FER1L6: variants seen among roughly 807,000 people sequenced by gnomAD.
FER1L6 encodes fer-1 like family member 6.
In FER1L6, 177 loss-of-function variants were observed where a neutral mutation model predicts 219.2. The ratio of observed to expected loss-of-function variants is 0.81; its 90% CI spans 0.71 to 0.91. FER1L6 has a LOEUF of 0.91. Among genes scored for constraint, FER1L6 ranks in the 40% least tolerant of loss-of-function variants. FER1L6 has a pLI of 0.00. For synonymous variants in FER1L6, 768 were observed against 824.3 expected (o/e 0.93, Z 1.17); for missense variants, 2,153 against 2,259.9 (o/e 0.95, Z 0.96).
At chr8:124,015,938 G>A (rs1818182801) in intron 15 of FER1L6, 1 of 152,488 alleles carries the variant, frequency 6.6e-6, no homozygotes, top group Non-Finnish European at 1.5e-5. Context: ...CAGCTCAACA[G>A]GGCTTCTCCC....
At chr8:123,914,790 A>G (rs536712144) in intron 1 of FER1L6, among the ~76,000 whole-genome samples, 27 of 152,294 alleles carry the variant, frequency 1.8e-4, no homozygotes, top group Admixed American at 6.5e-4. Flanking sequence ...TCATGGGTTA[A>G]TTTAGACTTA....
At chr8:123,884,403 C>A (rs2129673640) in intron 1 of FER1L6, among the ~76,000 whole-genome samples, 1 of 152,348 alleles carries the variant, frequency 6.6e-6, no homozygotes, top group African/African-American at 2.4e-5. Context: ...GCCCCAAAGT[C>A]ACAGCCCTTC....
At chr8:123,892,193 T>C (rs917263647) in intron 1 of FER1L6, among the ~76,000 whole-genome samples, 2 of 152,188 alleles carry the variant, frequency 1.3e-5, no homozygotes, top group African/African-American at 4.8e-5. Context: ...AAGGTAAAAT[T>C]TGGTTTTCTC....
intron 1 of FER1L6, among the ~76,000 whole-genome samples, chr8:123,856,639 C>T (rs114746753): frequency 9.3e-4 from 141 of 151,864 alleles, no homozygotes; most frequent in African/African-American, 3.2e-3. Context: ...AACACTTCCT[C>T]ATCATGTCCC....
intron 2 of FER1L6, among the ~76,000 whole-genome samples, chr8:123,959,961 C>T (rs375967603): frequency 6.6e-5 from 10 of 152,150 alleles, no homozygotes; most frequent in African/African-American, 2.4e-4. Context: ...GTCTTACGGG[C>T]AAGGAAAAAA....
rs1032821492 is a variant in FER1L6, at chr8:123,853,762, C to T, written c.-8+1577C>T. On this transcript the variant is annotated intron_variant, in intron 1 of 40. Coordinates refer to ENST00000522917, the MANE Select transcript of FER1L6 (RefSeq NM_001039112.2). This position sits in a 1 kb window ranked among gnomAD's most constrained non-coding sequence, Gnocchi z 6.6. ...AAAGGCCAGAAAGCTGCAGACAACC[C>T]AACAGTGTCAAGCACAGAGGCTGGT... 3.3e-4 allele frequency among the ~76,000 whole-genome samples: 50 copies of T among 152,314 alleles called. No individual in the cohort carries two copies. Among genetic ancestry groups the T allele is most frequent in the African/African-American group, 1.2e-3 (48 of 41,568 alleles).
intron 33 of FER1L6, 51 bp downstream of exon 33, chr8:124,082,509 CT>C (rs1433376646): frequency 6.5e-7 from 1 of 1,543,938 alleles, no homozygotes; most frequent in Non-Finnish European, 8.9e-7. Flanking sequence ...CTGTTGTAGC[CT>C]TTAGGGCTCC....
chr8:123,905,041 T>C (rs531078794), intron 1 of FER1L6, among the ~76,000 whole-genome samples: 1 of 152,210 alleles, frequency 6.6e-6, no homozygotes, highest in Non-Finnish European at 1.5e-5. Context: ...GCCATTGAGT[T>C]TCATTTTAGC....
At chr8:123,937,330 A>G (rs1814046663) in intron 1 of FER1L6, among the ~76,000 whole-genome samples, 1 of 152,214 alleles carries the variant, frequency 6.6e-6, no homozygotes, top group Non-Finnish European at 1.5e-5. Context: ...AAAATACTTA[A>G]ATTCTTTTAT....
intron 1 of FER1L6, among the ~76,000 whole-genome samples, chr8:123,868,093 C>A (rs1816866878): frequency 6.6e-6 from 1 of 152,080 alleles, no homozygotes; most frequent in South Asian, 2.1e-4. Context: ...GAGATTTCTC[C>A]TTATTCCTTT....
chr8:124,019,193 C>T (rs1229033781), intron 16 of FER1L6, among the ~76,000 whole-genome samples: 1 of 152,204 alleles, frequency 6.6e-6, no homozygotes, highest in African/African-American at 2.4e-5. Flanking sequence ...GCATCCCAAC[C>T]TTATCCGTCT....
intron 25 of FER1L6, among the ~76,000 whole-genome samples, chr8:124,064,099 T>A (rs959247255): frequency 2.6e-5 from 4 of 152,202 alleles, no homozygotes; most frequent in Admixed American, 6.5e-5. Flanking sequence ...CTTTGAGGAA[T>A]CAATAACAAA....
At chr8:123,883,653 C>T (rs1817150638) in intron 1 of FER1L6, among the ~76,000 whole-genome samples, 2 of 152,128 alleles carry the variant, frequency 1.3e-5, no homozygotes, top group Admixed American at 6.5e-5. Context: ...TCTCACAATT[C>T]TGGGGGCTGG....
At chr8:124,083,577 CAT>C (rs779186701) in intron 33 of FER1L6, among the ~76,000 whole-genome samples, 18 of 151,150 alleles carry the variant, frequency 1.2e-4, no homozygotes, top group Non-Finnish European at 2.2e-4. Flanking sequence ...CTGTTCCAAA[CAT>C]AGATTTCAAG....
chr8:124,050,964 AAAAAC>A (rs1819992539), intron 22 of FER1L6, among the ~76,000 whole-genome samples: 1 of 152,236 alleles, frequency 6.6e-6, no homozygotes, highest in South Asian at 2.1e-4. Context: ...ATCCCAATTT[AAAAAC>A]AAAACAAAAA....
At chr8:123,870,589 A>G (rs1333648179) in intron 1 of FER1L6, among the ~76,000 whole-genome samples, 2 of 152,230 alleles carry the variant, frequency 1.3e-5, no homozygotes, top group South Asian at 2.1e-4. Flanking sequence ...TATTTGTGTA[A>G]CATTCTGAAA....
intron 33 of FER1L6, among the ~76,000 whole-genome samples, chr8:124,087,637 G>A (rs896555445): frequency 5.3e-5 from 8 of 152,160 alleles, no homozygotes; most frequent in Non-Finnish European, 1.0e-4. Context: ...GCTTGTGGAT[G>A]TTCATCAGTG....
At chr8:124,004,181 G>A (rs1817557474) in intron 13 of FER1L6, 1 of 150,766 alleles carries the variant, frequency 6.6e-6, no homozygotes, top group Non-Finnish European at 1.5e-5. Flanking sequence ...AACAGCTGGG[G>A]GCACTTACAT....
intron 1 of FER1L6, among the ~76,000 whole-genome samples, chr8:123,911,881 T>C (rs1011002654): frequency 2.0e-5 from 3 of 152,178 alleles, no homozygotes; most frequent in Non-Finnish European, 4.4e-5. Context: ...TTCCAGAGAA[T>C]TACAGGGCAA....
Sources: allele counts gnomAD v4.1 joint callset (sites outside exome capture counted in the v4.1 genomes callset), GRCh38; gene constraint gnomAD v4.1.1; non-coding constraint Gnocchi (gnomAD v3.1); transcripts MANE v1.5; gene names NCBI Gene and HGNC (gene_info 2026-07-23, HGNC 2026-07-21).